ARHGAP17: variants seen among roughly 807,000 people sequenced by gnomAD.
ARHGAP17 encodes rho GTPase-activating protein 17.
A neutral mutation model predicts 99.5 loss-of-function variants in ARHGAP17; 57 were observed. That is an observed-to-expected ratio of 0.57 (90% CI 0.46 to 0.71). ARHGAP17 has a LOEUF of 0.71. Ranked by LOEUF, ARHGAP17 falls within the 30% of genes least tolerant of loss-of-function variation. The pLI is 0.00. For missense variants in ARHGAP17, 1,000 were observed against 1,122.4 expected, an observed-to-expected ratio of 0.89 and a Z score of 1.56; for synonymous variants, 417 against 429.6, an observed-to-expected ratio of 0.97 and a Z score of 0.36.
chr16:25,015,079 C>T, intron 1 of ARHGAP17, 130 bp downstream of exon 1: 6 of 941,262 alleles, frequency 6.4e-6, no homozygotes, highest in Non-Finnish European at 2.6e-6. Flanking sequence ...GGCCCGTGCC[C>T]CGCTGGTCTC....
intron 1 of ARHGAP17, among the ~76,000 whole-genome samples, chr16:24,995,788 C>A (rs564607911): frequency 6.6e-6 from 1 of 152,272 alleles, no homozygotes; most frequent in East Asian, 1.9e-4. Flanking sequence ...AAAAAAAAAT[C>A]TTCAGAAAGG....
At position 24,953,188 on chromosome 16, in the gene ARHGAP17, G is replaced by T. The variant is rs1347295279; in HGVS notation, c.853-146C>A. On this transcript the variant is annotated intron_variant, in intron 10 of 19. Transcript: ENST00000289968. ...ACTGCCTGCCCTGCAGGGCTGTCAGGAGGAATGATGAGGGCTGAGCACGCA... is the reference window on the plus strand; with the variant it reads ...ACTGCCTGCCCTGCAGGGCTGTCAGTAGGAATGATGAGGGCTGAGCACGCA... 4.4e-6 allele frequency: 3 copies of T among 675,608 alleles called. No individual in the cohort carries two copies. In the East Asian group the frequency reaches 8.2e-5, roughly 18 times the overall value. The allele number at this position is 675,608 out of a possible 1,614,324, so 41.9% of individuals were successfully genotyped here.
rs1363589763 is a variant in ARHGAP17 at position 24,935,481 on chromosome 16, G to A, written c.1883C>T (p.Thr628Ile). 1.2e-6 allele frequency: 2 copies of A among 1,601,788 alleles called. No homozygotes were observed. Among genetic ancestry groups the A allele is most frequent in the Admixed American group, 3.5e-5 (2 of 57,584 alleles). ...CGGTGGCTGCTTACCTCGGCGCAGTGTATGCGGGCTGGGCCCTGCAGCATT... is the reference window on the plus strand; with the variant it reads ...CGGTGGCTGCTTACCTCGGCGCAGTATATGCGGGCTGGGCCCTGCAGCATT... ...PHNAAGPSPH[T>I]LRRAVKKPAP... The change falls in exon 18 of 20, where the codon ACA (threonine) becomes ATA (isoleucine). Residue 628 changes from threonine to isoleucine, a missense_variant. This residue lies in a region of ARHGAP17 where 528 missense variants were observed against 511.4 expected (regional missense o/e 1.03). Coordinates refer to ENST00000289968, the MANE Select transcript of ARHGAP17 (RefSeq NM_001006634.3).
intron 19 of ARHGAP17, among the ~76,000 whole-genome samples, chr16:24,921,349 G>A (rs1413217902): frequency 1.3e-5 from 2 of 152,210 alleles, no homozygotes; most frequent in African/African-American, 4.8e-5. Context: ...GCTTTGCTGC[G>A]TTAGAGGTAG....
rs1273869906 is a variant in ARHGAP17 at position 24,955,415 on chromosome 16, T to G, written c.725-685A>C. On this transcript the variant is annotated intron_variant, in intron 9 of 19. Transcript: ENST00000289968. This position sits in a 1 kb window ranked among gnomAD's most constrained non-coding sequence, Gnocchi z 4.0. ...CAGGAAAGCCATATTTTAGATTATC[T>G]TCAGGTTATGAGGCAGCTTAGCACA... 2 of 152,196 alleles carry G rather than the reference T, an allele frequency of 1.3e-5. No homozygotes were observed. The highest frequency in any genetic ancestry group is 2.9e-5 in the Non-Finnish European group (2 of 68,022). 9.4% of individuals were successfully genotyped at this position (152,196 alleles called of 1,614,324 possible).
intron 1 of ARHGAP17, among the ~76,000 whole-genome samples, chr16:24,980,644 T>C (rs1420717865): frequency 6.6e-6 from 1 of 151,994 alleles, no homozygotes; most frequent in African/African-American, 2.4e-5. Context: ...GACCATGAGG[T>C]CAAAGAACCA....
chr16:24,985,200 AC>A (rs2052825665), intron 1 of ARHGAP17, among the ~76,000 whole-genome samples: 1 of 152,106 alleles, frequency 6.6e-6, no homozygotes, highest in South Asian at 2.1e-4. Context: ...ACACACACAC[AC>A]ACACACTAAA....
intron 1 of ARHGAP17, among the ~76,000 whole-genome samples, chr16:24,986,737 C>T (rs1259695042): frequency 6.6e-6 from 1 of 152,230 alleles, no homozygotes; most frequent in Non-Finnish European, 1.5e-5. Context: ...GTAACTCTTG[C>T]AGGATGTGGT....
intron 3 of ARHGAP17, among the ~76,000 whole-genome samples, chr16:24,971,330 CTT>C (rs5816272): frequency 0.1 from 13,634 of 134,192 alleles, 649 homozygotes; most frequent in Middle Eastern, 0.19. Flanking sequence ...CTTAAATTGG[CTT>C]TTTTTTTTTT....
chr16:24,989,776 CAT>C (rs1277857131), intron 1 of ARHGAP17, among the ~76,000 whole-genome samples: 1 of 152,044 alleles, frequency 6.6e-6, no homozygotes, highest in Non-Finnish European at 1.5e-5. Flanking sequence ...ATATATACCA[CAT>C]GTTCTCATTC....
At chr16:24,979,081 C>A in intron 1 of ARHGAP17, 76 bp from the exon 2 acceptor site, 2 of 1,104,914 alleles carry the variant, frequency 1.8e-6, no homozygotes, top group South Asian at 2.9e-5. Flanking sequence ...TAATTATTAG[C>A]CTGGAGTTTA....
chr16:24,964,962 A>G (rs943040238), intron 6 of ARHGAP17, among the ~76,000 whole-genome samples: 2 of 152,124 alleles, frequency 1.3e-5, no homozygotes, highest in Non-Finnish European at 2.9e-5. Flanking sequence ...AATAACAATA[A>G]TAATGTAGGT....
At chr16:24,971,980 A>C (rs1410702889) in intron 3 of ARHGAP17, among the ~76,000 whole-genome samples, 1 of 152,222 alleles carries the variant, frequency 6.6e-6, no homozygotes, top group Admixed American at 6.5e-5. Flanking sequence ...TGGGCTGGTT[A>C]TAACGTCATA....
intron 14 of ARHGAP17, among the ~76,000 whole-genome samples, chr16:24,947,023 C>T (rs770954963): frequency 6.6e-6 from 1 of 152,048 alleles, no homozygotes; most frequent in Non-Finnish European, 1.5e-5. Flanking sequence ...TATTAATGTG[C>T]TAAGTAGGCA....
chr16:24,928,002 T>A (rs528477611), intron 19 of ARHGAP17, among the ~76,000 whole-genome samples: 1 of 152,346 alleles, frequency 6.6e-6, no homozygotes, highest in Admixed American at 6.5e-5. Context: ...AACCCAACTC[T>A]TTAAAACTCT....
chr16:24,947,528 T>G lies in ARHGAP17; in HGVS notation c.1195A>C (p.Ile399Leu), dbSNP rs772006389. 6.2e-7 allele frequency: 1 copy of G among 1,613,762 alleles called. No homozygotes were observed. The highest frequency in any genetic ancestry group is 8.5e-7 in the Non-Finnish European group (1 of 1,180,006). The stretch of plus-strand genomic sequence containing the variant: ...AAGTTAGGGCCTAACACAATCGCAA[T>G]GTTGCTGGGAGTCATTTTATTCACA... ...SDVNKMTPSN[I>L]AIVLGPNLLW... Residue 399 changes from isoleucine (I) to leucine (L), a missense_variant, in exon 14 of 20, where the codon ATT becomes CTT. Coordinates refer to ENST00000289968, the MANE Select transcript of ARHGAP17 (RefSeq NM_001006634.3).
In ARHGAP17 at chr16:24,959,682, C is replaced by T. The variant is rs762867053; in HGVS notation, c.713G>A (p.Arg238Gln). The change falls in exon 9 of 20, where the codon CGA (arginine) becomes CAA (glutamine). Residue 238 changes from arginine (R) to glutamine (Q), a missense_variant. Coordinates refer to ENST00000289968, the MANE Select transcript of ARHGAP17 (RefSeq NM_001006634.3). ...GCGGGTTACATTACCTTGATGGGCT[C>T]GCATTTCGGGGAGGGTCTTTTCTAA... ...AVLEKTLPEM[R>Q]AHQDKWAEKP... 1.5e-5 allele frequency: 24 copies of T among 1,613,824 alleles called. No individual in the cohort carries two copies. Among genetic ancestry groups the T allele is most frequent in the Admixed American group, 3.3e-5 (2 of 59,950 alleles).
chr16:24,969,297 GTC>G (rs5816271), intron 4 of ARHGAP17, among the ~76,000 whole-genome samples: 13,622 of 152,140 alleles, frequency 0.09, 687 homozygotes, highest in Middle Eastern at 0.2. Flanking sequence ...TAACTCCACA[GTC>G]TCTATCCCTC....
chr16:25,002,201 G>C (rs920556890), intron 1 of ARHGAP17, among the ~76,000 whole-genome samples: 9 of 151,984 alleles, frequency 5.9e-5, no homozygotes, highest in African/African-American at 2.2e-4. Context: ...TTCTAAAAAG[G>C]AATCATTGTA....
Sources: allele counts gnomAD v4.1 joint callset (sites outside exome capture counted in the v4.1 genomes callset), GRCh38; gene constraint gnomAD v4.1.1; regional missense constraint gnomAD v4.1.1; non-coding constraint Gnocchi (gnomAD v3.1); transcripts MANE v1.5; gene names NCBI Gene and HGNC (gene_info 2026-07-23, HGNC 2026-07-21).